The following HUWE1 variants were observed in gnomAD, a reference collection of about 807,000 sequenced individuals.
HUWE1 encodes the protein HECT, UBA and WWE domain containing E3 ubiquitin protein ligase 1.
Under a neutral mutation model 299.4 loss-of-function variants are expected in HUWE1, and 18 were observed. The observed-to-expected ratio is 0.06, with a 90% CI of 0.04 to 0.09. HUWE1 has a LOEUF of 0.09. Ranked by LOEUF, HUWE1 falls within the 10% of genes least tolerant of loss-of-function variation. HUWE1 has a pLI of 1.00. For missense variants in HUWE1, 1,832 were observed against 3,462.3 expected (o/e 0.53, Z 11.82); for synonymous variants, 1,317 against 1,286.1 (o/e 1.02, Z -0.51).
At chrX:53,676,142 C>T (rs1426918569) in intron 3 of HUWE1, among the ~76,000 whole-genome samples, 1 of 111,926 alleles carries the variant, frequency 8.9e-6, no homozygotes, top group Non-Finnish European at 1.9e-5. Flanking sequence ...CCATTATTTT[C>T]ACCACCCTGA....
chrX:53,549,058 G>A lies in HUWE1; in HGVS notation c.9936C>T (p.Thr3312=), dbSNP rs782819452. 56 of 1,209,139 alleles carry A rather than the reference G, an allele frequency of 4.6e-5. No individual in the cohort carries two copies. The South Asian group carries it at 6.4e-4, about 14-fold the overall frequency. ...TGGAGCCACCGCTTGCATGCTTCTC[G>A]GTATGTTTACGCCCCCCTGAACGCT... ...QIQRSGGRKH[T]EKHASGGSTV... is the part of the protein sequence containing the mutation. Residue 3312 remains threonine (T), a synonymous_variant, in exon 67 of 84, where the codon ACC becomes ACT. Coordinates refer to ENST00000262854, the MANE Select transcript of HUWE1 (RefSeq NM_031407.7).
Position 53,546,777 on chromosome X carries a change from C to A in HUWE1, c.10685G>T (p.Gly3562Val), listed in dbSNP as rs200245207. 8.3e-7 allele frequency: 1 copy of A among 1,210,027 alleles called. No homozygotes were observed. ...CTTAAAGTCTGTACTGCTGCTGCCC[C>A]CATCACTCACCTTCGCTGGAGATTT... is the stretch of plus-strand genomic sequence containing the variant. Reference protein sequence around the residue: ...GSKSPAKVSDGGSSSTDFKMV... With the variant: ...GSKSPAKVSDVGSSSTDFKMV... The change falls in exon 69 of 84, where the codon GGG (glycine) becomes GTG (valine). Residue 3562 changes from glycine to valine, a missense_variant. Coordinates refer to ENST00000262854, the MANE Select transcript of HUWE1 (RefSeq NM_031407.7).
chrX:53,620,586 C>T (rs1198456788), intron 19 of HUWE1, among the ~76,000 whole-genome samples: 3 of 111,717 alleles, frequency 2.7e-5, no homozygotes, highest in African/African-American at 6.5e-5. Flanking sequence ...CTAATAGAGG[C>T]ATAATGGCTT....
intron 7 of HUWE1, among the ~76,000 whole-genome samples, chrX:53,641,190 T>C (rs1276448248): frequency 8.9e-6 from 1 of 111,922 alleles, no homozygotes; most frequent in African/African-American, 3.2e-5. Context: ...CAACATAAGG[T>C]ATACTCTTTC....
At chrX:53,559,233 A>G in intron 57 of HUWE1, 121 bp downstream of exon 57, 1 of 849,414 alleles carries the variant, frequency 1.2e-6, no homozygotes, top group South Asian at 2.1e-5. Flanking sequence ...TAAGTCACTG[A>G]GTGGTTCTGG....
At chrX:53,672,026 C>G (rs1399548477) in intron 3 of HUWE1, among the ~76,000 whole-genome samples, 2 of 102,801 alleles carry the variant, frequency 1.9e-5, no homozygotes, top group African/African-American at 7.2e-5. Flanking sequence ...TACAATGTAG[C>G]CATTAAAAAT....
At chrX:53,671,586 C>G (rs924641135) in intron 3 of HUWE1, among the ~76,000 whole-genome samples, 3 of 110,572 alleles carry the variant, frequency 2.7e-5, no homozygotes, top group African/African-American at 9.9e-5. Flanking sequence ...GTCAGGAGAT[C>G]GAGACCATCC....
chrX:53,676,123 G>C (rs1370176367), intron 3 of HUWE1, among the ~76,000 whole-genome samples: 1 of 111,640 alleles, frequency 9.0e-6, no homozygotes, highest in Non-Finnish European at 1.9e-5. Flanking sequence ...GACACATTTT[G>C]TTAAATGGCC....
chrX:53,625,319 G>T, intron 17 of HUWE1, 61 bp from the exon 18 acceptor site: 1 of 799,254 alleles, frequency 1.3e-6, no homozygotes, highest in Non-Finnish European at 1.9e-6. Context: ...CAATGATCAA[G>T]CACATAAAAC....
At chrX:53,578,357 G>T (rs1255283267) in intron 43 of HUWE1, among the ~76,000 whole-genome samples, 1 of 105,909 alleles carries the variant, frequency 9.4e-6, no homozygotes, top group Non-Finnish European at 2.0e-5. Context: ...GGGAGGTGGG[G>T]GGGGGTCAGC....
At chrX:53,551,222 C>T (rs1261928479) in intron 64 of HUWE1, 33 bp from the exon 65 acceptor site, 1 of 1,209,355 alleles carries the variant, frequency 8.3e-7, no homozygotes, top group East Asian at 3.0e-5. Flanking sequence ...GAGGGCATTT[C>T]TCCTGCCAGG....
At chrX:53,569,573 G>A in intron 48 of HUWE1, 43 bp downstream of exon 48, 2 of 1,125,233 alleles carry the variant, frequency 1.8e-6, no homozygotes, top group African/African-American at 3.6e-5. Context: ...AAGAATAAGG[G>A]GATGTTCTTG....
At position 53,542,434 on chromosome X, in the gene HUWE1, A is replaced by G. The variant is rs1408597721; in HGVS notation, c.11476+9T>C. ...TTTTGCTCGGCTGGAAACAGGAAGT[A>G]GTACTGACCAATGGATTGAGTATCT... is the stretch of plus-strand genomic sequence containing the variant. On this transcript the variant is annotated intron_variant, in intron 74 of 83. Transcript: ENST00000262854. The G allele has an allele frequency of 3.6e-6, 4 of 1,110,611 alleles. No individual in the cohort carries two copies. The highest frequency in any genetic ancestry group is 5.0e-6 in the Non-Finnish European group (4 of 804,488). The allele number at this position is 1,110,611 out of a possible 1,213,427, so 91.5% of individuals were successfully genotyped here.
At chrX:53,542,567 T>C in intron 73 of HUWE1, 28 bp from the exon 74 acceptor site, 1 of 993,179 alleles carries the variant, frequency 1.0e-6, no homozygotes, top group Non-Finnish European at 1.4e-6. Flanking sequence ...AAAAATCACA[T>C]AAGGGTGCAA....
chrX:53,636,678 C>T (rs142207329), intron 7 of HUWE1, among the ~76,000 whole-genome samples: 2 of 112,080 alleles, frequency 1.8e-5, no homozygotes, highest in African/African-American at 6.5e-5. Flanking sequence ...GCTGAAATTG[C>T]ACCACTGCAC....
intron 3 of HUWE1, among the ~76,000 whole-genome samples, chrX:53,666,147 C>T (rs962027807): frequency 4.5e-5 from 5 of 111,516 alleles, no homozygotes; most frequent in African/African-American, 1.3e-4. Context: ...TTACTTCACC[C>T]GAGACTTATT....
chrX:53,686,400 GAGGGTTGGGGCAGGC>G (rs1471867176), intron 1 of HUWE1, 32 bp from the exon 2 acceptor site: 3 of 112,904 alleles, frequency 2.7e-5, no homozygotes, highest in Non-Finnish European at 5.6e-5. Flanking sequence ...GGGGTTCAGG[GAGGGTTGGGGCAGGC>G]CGCCCTGCCC....
At chrX:53,603,131 G>C (rs1023676011) in intron 27 of HUWE1, among the ~76,000 whole-genome samples, 1 of 111,655 alleles carries the variant, frequency 9.0e-6, no homozygotes, top group African/African-American at 3.3e-5. Flanking sequence ...GATTACAGGC[G>C]TGAGCCACCG....
intron 7 of HUWE1, among the ~76,000 whole-genome samples, chrX:53,637,662 A>T (rs1557027404): frequency 3.6e-5 from 4 of 111,917 alleles, no homozygotes; most frequent in Non-Finnish European, 7.5e-5. Flanking sequence ...TCCTTAAAAA[A>T]CCCTGCCAAC....
Sources: gnomAD v4.1 joint callset for allele counts (sites outside exome capture counted in the v4.1 genomes callset) on GRCh38, gnomAD v4.1.1 for gene constraint, MANE v1.5 for transcripts, NCBI Gene and HGNC (gene_info 2026-07-23, HGNC 2026-07-21) for gene names.